The following JCAD variants were observed in gnomAD, a reference collection of about 807,000 sequenced individuals.
JCAD encodes junctional cadherin 5-associated protein.
A neutral mutation model predicts 98.0 loss-of-function variants in JCAD; 40 were observed. That is an observed-to-expected ratio of 0.41 (90% CI 0.32 to 0.53). The LOEUF (loss-of-function observed/expected upper bound fraction) is 0.53. JCAD is among the 20% of genes least tolerant of loss of function. The probability of loss-of-function intolerance (pLI) is 0.31; values close to 1 mark genes in which losing one functional copy is unlikely to be tolerated. For missense variants in JCAD, 1,705 were observed against 1,738.1 expected (o/e 0.98, Z 0.34); for synonymous variants, 691 against 682.3 (o/e 1.01, Z -0.20).
At chr10:30,024,688 A>ATTTTTTTTTT (rs35394945) in intron 3 of JCAD, among the ~76,000 whole-genome samples, 2 of 100,664 alleles carry the variant, frequency 2.0e-5, no homozygotes, top group Admixed American at 1.1e-4. Context: ...GCCCATGTAC[A>ATTTTTTTTTT]TTTTTTTTTT....
Position 30,014,001 on chromosome 10 carries a change from TA to T in JCAD, c.*3881del, listed in dbSNP as rs1200527169. 1 of 152,204 alleles carries T rather than the reference TA, an allele frequency of 6.6e-6. No homozygotes were observed. The highest frequency in any genetic ancestry group is 1.5e-5 in the Non-Finnish European group (1 of 68,040). 9.4% of individuals were successfully genotyped at this position (152,204 alleles called of 1,614,324 possible). A position where few individuals can be genotyped will look rare whatever the true frequency, so the allele number is the denominator to read the frequency against. On this transcript the variant is annotated 3_prime_UTR_variant, in exon 4 of 4. Coordinates refer to ENST00000375377, the MANE Select transcript of JCAD (RefSeq NM_020848.4). ...TTTATGGTCTTAATGACTCCCTTTT[TA>T]TTTCTTTCCAACAAAACCTGCAGGC...
chr10:30,079,853 A>C (rs1439306456), intron 1 of JCAD, among the ~76,000 whole-genome samples: 1 of 152,220 alleles, frequency 6.6e-6, no homozygotes, highest in Non-Finnish European at 1.5e-5. Context: ...AGATCATGAG[A>C]ATATGTTATA....
intron 2 of JCAD, among the ~76,000 whole-genome samples, chr10:30,044,150 T>C (rs1163972109): frequency 6.6e-6 from 1 of 152,164 alleles, no homozygotes; most frequent in Non-Finnish European, 1.5e-5. Context: ...ACCTTGACCC[T>C]GGATTTCCCA....
upstream of JCAD, among the ~76,000 whole-genome samples, chr10:30,062,313 TC>T (rs1179175998): frequency 6.6e-6 from 1 of 152,216 alleles, no homozygotes; most frequent in East Asian, 1.9e-4. Flanking sequence ...CATCCTCATT[TC>T]AAAATGTTTG....
intron 1 of JCAD, among the ~76,000 whole-genome samples, chr10:30,075,179 C>G (rs768613231): frequency 6.6e-6 from 1 of 152,154 alleles, no homozygotes. Flanking sequence ...ATGTCTTATT[C>G]TTCTATGAAG....
At chr10:30,041,714 G>A (rs1837246110) in intron 2 of JCAD, among the ~76,000 whole-genome samples, 1 of 152,160 alleles carries the variant, frequency 6.6e-6, no homozygotes, top group Non-Finnish European at 1.5e-5. Context: ...CAGAATTCCT[G>A]GGGCTATGCA....
chr10:30,069,249 G>C (rs1837838423), intron 2 of JCAD, among the ~76,000 whole-genome samples: 1 of 152,018 alleles, frequency 6.6e-6, no homozygotes, highest in Non-Finnish European at 1.5e-5. Flanking sequence ...TTCACCATAG[G>C]AGTGGGGGCC....
intron 1 of JCAD, among the ~76,000 whole-genome samples, chr10:30,085,484 C>T (rs766458944): frequency 6.6e-6 from 1 of 152,084 alleles, no homozygotes; most frequent in Non-Finnish European, 1.5e-5. Flanking sequence ...TTTGCAGTGG[C>T]TTTGAGAAGA....
At chr10:30,072,096 C>T (rs1254435408) in intron 1 of JCAD, among the ~76,000 whole-genome samples, 1 of 147,682 alleles carries the variant, frequency 6.8e-6, no homozygotes, top group Non-Finnish European at 1.5e-5. Flanking sequence ...ATTTGCAATA[C>T]TATTCTGGAA....
chr10:30,037,363 G>A (rs537213722), intron 2 of JCAD, among the ~76,000 whole-genome samples: 2 of 152,284 alleles, frequency 1.3e-5, no homozygotes, highest in African/African-American at 2.4e-5. Context: ...GAAGTATAGA[G>A]GTTAGCATAA....
chr10:30,019,616 G>T (rs1019908948), intron 3 of JCAD, among the ~76,000 whole-genome samples: 3 of 151,778 alleles, frequency 2.0e-5, no homozygotes, highest in Non-Finnish European at 2.9e-5. Flanking sequence ...AGGGGCTGGG[G>T]TGAAGGAAAA....
chr10:30,089,086 C>T (rs1838213954), intron 1 of JCAD, among the ~76,000 whole-genome samples: 1 of 152,210 alleles, frequency 6.6e-6, no homozygotes, highest in East Asian at 1.9e-4. Context: ...TCCTAAATCC[C>T]TCTTAGGTTC....
rs1290943360 is a variant in JCAD at position 30,059,512 on chromosome 10, C to A, written c.-90G>T. The A allele has an allele frequency of 1.3e-5, 2 of 150,966 alleles. No individual in the cohort carries two copies. Among genetic ancestry groups the A allele is most frequent in the Admixed American group, 6.6e-5 (1 of 15,122 alleles). The allele number at this position is 150,966 out of a possible 1,614,324, so 9.4% of individuals were successfully genotyped here. A position where few individuals can be genotyped will look rare whatever the true frequency, so the allele number is the denominator to read the frequency against. On this transcript the variant is annotated 5_prime_UTR_variant, in exon 1 of 4. Transcript: ENST00000375377. This position sits in a 1 kb window ranked among gnomAD's most constrained non-coding sequence, Gnocchi z 5.0. ...GGCTCCCTCATGCCGCCTCGCGCCG[C>A]CACCGCCGCCGCTCCGGCCGGCCGG... is the stretch of plus-strand genomic sequence containing the variant.
At chr10:30,097,040 C>T (rs1465282864) in intron 1 of JCAD, among the ~76,000 whole-genome samples, 3 of 152,114 alleles carry the variant, frequency 2.0e-5, no homozygotes. Context: ...TCAAATGATG[C>T]TCAACAGCAT....
At chr10:30,058,879 G>A (rs1398283345) in intron 1 of JCAD, among the ~76,000 whole-genome samples, 2 of 152,188 alleles carry the variant, frequency 1.3e-5, no homozygotes, top group Non-Finnish European at 2.9e-5. Flanking sequence ...TGCGATTAGC[G>A]CCCTAATCCC....
At position 30,027,430 on chromosome 10, in the gene JCAD, C is replaced by T. The variant is rs1181175599; in HGVS notation, c.2718G>A (p.Ser906=). Reference sequence around the variant, plus strand: ...TCTCAGACTTACTCTCACCTCTTCCCGACCTACACACAGGGCTCTCCGGCA... The same window carrying T: ...TCTCAGACTTACTCTCACCTCTTCCTGACCTACACACAGGGCTCTCCGGCA... ...MWVPESPVCR[S]GRGESKSESW... is the part of the protein sequence containing the mutation. Residue 906 remains serine, a synonymous_variant, in exon 3 of 4, where the codon TCG becomes TCA. Transcript: ENST00000375377. 1 of 1,603,612 alleles carries T rather than the reference C, an allele frequency of 6.2e-7. No individual in the cohort carries two copies. Among genetic ancestry groups the T allele is most frequent in the Non-Finnish European group, 8.5e-7 (1 of 1,179,674 alleles).
intron 1 of JCAD, among the ~76,000 whole-genome samples, chr10:30,086,722 C>T (rs2132689809): frequency 6.6e-6 from 1 of 152,308 alleles, no homozygotes; most frequent in Non-Finnish European, 1.5e-5. Context: ...TCCACCAAGC[C>T]TTTTCAAACT....
In JCAD at chr10:30,028,636, G is replaced by A. The variant is rs566279081; in HGVS notation, c.1512C>T (p.Pro504=). 1 of 1,608,384 alleles carries A rather than the reference G, an allele frequency of 6.2e-7. No homozygotes were observed. The highest frequency in any genetic ancestry group is 1.3e-5 in the African/African-American group (1 of 74,558). ...GGCCACTGTTTTCCCCATCCCCGGG[G>A]GGCTGGCCCCACAGCCACCGGGGGC... The part of the protein sequence containing the change: ...DSSPRWLWGQ[P]PGDGENSGLP... The change falls in exon 3 of 4, where the codon CCC becomes CCT. Residue 504 remains proline (P), a synonymous_variant. Transcript: ENST00000375377.
At chr10:30,078,932 G>A (rs534511933) in intron 1 of JCAD, among the ~76,000 whole-genome samples, 1 of 152,288 alleles carries the variant, frequency 6.6e-6, no homozygotes, top group South Asian at 2.1e-4. Context: ...AGCTTCATTT[G>A]TGGGCATGGA....
Sources: allele counts gnomAD v4.1 joint callset (sites outside exome capture counted in the v4.1 genomes callset), GRCh38; gene constraint gnomAD v4.1.1; non-coding constraint Gnocchi (gnomAD v3.1); transcripts MANE v1.5; gene names NCBI Gene and HGNC (gene_info 2026-07-23, HGNC 2026-07-21).